PALD1: variants seen among roughly 807,000 people sequenced by gnomAD.
PALD1 encodes paladin.
PALD1 carries 57 observed loss-of-function variants against 96.0 expected under a neutral mutation model. The ratio of observed to expected loss-of-function variants is 0.59; its 90% CI spans 0.48 to 0.74. The LOEUF (loss-of-function observed/expected upper bound fraction) is 0.74. PALD1 is among the 30% of genes least tolerant of loss of function. The pLI, the probability that PALD1 is intolerant of heterozygous loss-of-function variation, is 0.00. For synonymous variants in PALD1, 464 were observed against 473.6 expected (o/e 0.98, Z 0.26); for missense variants, 1,063 against 1,143.7 (o/e 0.93, Z 1.02).
intron 1 of PALD1, among the ~76,000 whole-genome samples, chr10:70,518,884 C>A (rs2132334962): frequency 6.6e-6 from 1 of 152,352 alleles, no homozygotes; most frequent in Non-Finnish European, 1.5e-5. Context: ...CAGTGACTGA[C>A]TAGCATAATT....
intron 17 of PALD1, among the ~76,000 whole-genome samples, chr10:70,544,498 A>G (rs778292133): frequency 2.4e-4 from 36 of 151,954 alleles, no homozygotes; most frequent in Non-Finnish European, 3.8e-4. Flanking sequence ...AGGGAGAGGC[A>G]GGAGCTGAGT....
the PALD1 span, among the ~76,000 whole-genome samples, chr10:70,463,474 T>C: frequency 6.6e-6 from 1 of 151,836 alleles, no homozygotes; most frequent in Non-Finnish European, 1.5e-5. Flanking sequence ...GAAAAGGTGG[T>C]GAGAGGAGCG....
At chr10:70,508,300 C>T (rs947101243) in intron 1 of PALD1, among the ~76,000 whole-genome samples, 8 of 152,170 alleles carry the variant, frequency 5.3e-5, no homozygotes, top group Non-Finnish European at 7.3e-5. Context: ...AGATGCTCCT[C>T]GGCTTTCTTA....
intron 2 of PALD1, among the ~76,000 whole-genome samples, chr10:70,526,498 A>G (rs149925822): frequency 6.6e-6 from 1 of 152,250 alleles, no homozygotes; most frequent in East Asian, 1.9e-4. Context: ...TTTCACAGAC[A>G]GTAATTATGG....
rs749989747 is a variant in PALD1, at chr10:70,538,340, C to T, written c.1384C>T (p.Arg462Cys). The change falls in exon 12 of 20, where the codon CGC (arginine) becomes TGC (cysteine). Residue 462 changes from arginine to cysteine, a missense_variant. Coordinates refer to ENST00000263563, the MANE Select transcript of PALD1 (RefSeq NM_014431.3). The part of the protein sequence containing the change: ...RWLCAHPELY[R>C]LPVTLSSAGP... ...GCTGTGTGCCCACCCTGAGCTGTAC[C>T]GCCTGCCCGTGACGCTGAGCTCAGC... 9.3e-6 allele frequency: 15 copies of T among 1,608,846 alleles called. No homozygotes were observed. The highest frequency in any genetic ancestry group is 1.1e-5 in the South Asian group (1 of 91,088).
intron 1 of PALD1, among the ~76,000 whole-genome samples, chr10:70,488,120 TTCTC>T (rs1405086217): frequency 2.2e-5 from 2 of 89,184 alleles, no homozygotes; most frequent in African/African-American, 7.9e-5. Context: ...AGTTTAAAAT[TTCTC>T]TCTCTTTTTT....
chr10:70,527,914 A>G (rs1253902461), intron 2 of PALD1, among the ~76,000 whole-genome samples: 6 of 152,084 alleles, frequency 3.9e-5, no homozygotes, highest in East Asian at 1.9e-4. Flanking sequence ...ATATCTCCCA[A>G]TGCCATCCCT....
At chr10:70,483,395 C>T (rs532533044) in intron 1 of PALD1, among the ~76,000 whole-genome samples, 1 of 152,190 alleles carries the variant, frequency 6.6e-6, no homozygotes, top group Non-Finnish European at 1.5e-5. Context: ...GTCATCTGCA[C>T]ACCCATGGAA....
chr10:70,553,528 G>T (rs1363826843), intron 18 of PALD1, among the ~76,000 whole-genome samples: 1 of 152,236 alleles, frequency 6.6e-6, no homozygotes, highest in Non-Finnish European at 1.5e-5. Flanking sequence ...CAACTTGGAA[G>T]TAGTCCGAGA....
intron 1 of PALD1, among the ~76,000 whole-genome samples, chr10:70,484,128 G>C (rs1269193704): frequency 6.6e-6 from 1 of 151,942 alleles, no homozygotes; most frequent in Non-Finnish European, 1.5e-5. Context: ...TCAGCCTCCT[G>C]AGTAGCTGGG....
intron 18 of PALD1, among the ~76,000 whole-genome samples, chr10:70,558,795 G>C (rs1387233148): frequency 6.6e-6 from 1 of 152,140 alleles, no homozygotes; most frequent in Admixed American, 6.5e-5. Context: ...GAGAAAGTAT[G>C]AAAATACATT....
chr10:70,531,298 C>T lies in PALD1; in HGVS notation c.477C>T (p.Val159=). The T allele has an allele frequency of 6.2e-7, 1 of 1,612,300 alleles. No homozygotes were observed. Among genetic ancestry groups the T allele is most frequent in the Non-Finnish European group, 8.5e-7 (1 of 1,178,616 alleles). ...KLQKDGHREC[V]IFCVREEPVL... ...CCTCGGGCTCCTGGCAGGAGTGTGTCATCTTCTGTGTGCGGGAGGAACCTG... is the reference window on the plus strand; with the variant it reads ...CCTCGGGCTCCTGGCAGGAGTGTGTTATCTTCTGTGTGCGGGAGGAACCTG... Residue 159 remains valine (V), a synonymous_variant, in exon 5 of 20, where the codon GTC becomes GTT. Transcript: ENST00000263563.
the PALD1 span, among the ~76,000 whole-genome samples, chr10:70,463,847 G>C: frequency 6.6e-6 from 1 of 152,146 alleles, no homozygotes; most frequent in Admixed American, 6.5e-5. Flanking sequence ...TCTGGATGGG[G>C]AGCCTTCTAG....
chr10:70,508,453 G>A (rs138202472), intron 1 of PALD1, among the ~76,000 whole-genome samples: 171 of 152,314 alleles, frequency 1.1e-3, no homozygotes, highest in African/African-American at 3.9e-3. Flanking sequence ...CCAGCCCAGC[G>A]TGCTCCTGGA....
At chr10:70,471,926 C>T in the PALD1 span, among the ~76,000 whole-genome samples, 1 of 152,210 alleles carries the variant, frequency 6.6e-6, no homozygotes, top group African/African-American at 2.4e-5. Context: ...GAACCCTGGC[C>T]AGTGACCTTC....
intron 1 of PALD1, among the ~76,000 whole-genome samples, chr10:70,523,181 C>T (rs1271086619): frequency 6.6e-6 from 1 of 152,226 alleles, no homozygotes; most frequent in Non-Finnish European, 1.5e-5. Flanking sequence ...CCAGCTGTAG[C>T]CTGTCATTGC....
chr10:70,477,498 G>A (rs528481279), upstream of PALD1, among the ~76,000 whole-genome samples: 1 of 152,192 alleles, frequency 6.6e-6, no homozygotes, highest in Non-Finnish European at 1.5e-5. Context: ...ACACACCTTG[G>A]GTGGCGCAGG....
At chr10:70,458,518 C>T in the PALD1 span, among the ~76,000 whole-genome samples, 2 of 152,188 alleles carry the variant, frequency 1.3e-5, no homozygotes, top group African/African-American at 2.4e-5. Context: ...GTGAGTCAGC[C>T]GAAGAGCAGA....
upstream of PALD1, among the ~76,000 whole-genome samples, chr10:70,475,071 C>A (rs927584568): frequency 3.9e-5 from 6 of 152,212 alleles, no homozygotes; most frequent in South Asian, 2.1e-4. Context: ...GAGTGCCAAG[C>A]ACCTTTTATC....
Sources: allele counts gnomAD v4.1 joint callset (sites outside exome capture counted in the v4.1 genomes callset), GRCh38; gene constraint gnomAD v4.1.1; transcripts MANE v1.5; gene names NCBI Gene and HGNC (gene_info 2026-07-23, HGNC 2026-07-21).